The following STON2 variants were observed in gnomAD, a reference collection of about 807,000 sequenced individuals.
STON2 encodes stonin-2.
Under a neutral mutation model 65.7 loss-of-function variants are expected in STON2, and 29 were observed. The observed-to-expected ratio is 0.44, with a 90% CI of 0.33 to 0.60. The LOEUF is 0.60. Among genes scored for constraint, STON2 ranks in the 20% least tolerant of loss-of-function variants. STON2 has a pLI of 0.03. For missense variants in STON2, 1,054 were observed against 1,118.1 expected (o/e 0.94, Z 0.82); for synonymous variants, 404 against 414.2 (o/e 0.98, Z 0.30).
chr14:81,357,138 A>G (rs56079762), intron 4 of STON2, among the ~76,000 whole-genome samples: 86,368 of 150,798 alleles, frequency 0.57, 26,899 homozygotes, highest in African/African-American at 0.82. Context: ...GAAAATTTTC[A>G]CAACCTACTC....
At position 81,261,580 on chromosome 14, in the gene STON2, C is replaced by A; in HGVS notation, c.*6834G>T. ...GTCCCTTTTCTCTCATCTGGTTTTG[C>A]CATAACTTACAAATAGTCCCAGGAT... is the stretch of plus-strand genomic sequence containing the variant. On this transcript the variant is annotated 3_prime_UTR_variant, in exon 8 of 8. Transcript: ENST00000614646. The A allele has an allele frequency of 2.2e-6, 1 of 451,962 alleles. No individual in the cohort carries two copies. Among genetic ancestry groups the A allele is most frequent in the Non-Finnish European group, 3.6e-6 (1 of 277,422 alleles). 28.0% of individuals were successfully genotyped at this position (451,962 alleles called of 1,614,324 possible). A position where few individuals can be genotyped will look rare whatever the true frequency, so the allele number is the denominator to read the frequency against.
At chr14:81,309,021 G>A (rs1896320621) in intron 5 of STON2, among the ~76,000 whole-genome samples, 1 of 149,930 alleles carries the variant, frequency 6.7e-6, no homozygotes. Context: ...ACCTTTCCCT[G>A]GTGTTTGCCT....
At chr14:81,356,942 A>C (rs980218607) in intron 4 of STON2, among the ~76,000 whole-genome samples, 15 of 151,684 alleles carry the variant, frequency 9.9e-5, no homozygotes, top group African/African-American at 3.4e-4. Flanking sequence ...AATTTTGTTG[A>C]TCCTTTCAAA....
At chr14:81,385,472 T>C (rs1029311410) in intron 3 of STON2, among the ~76,000 whole-genome samples, 22 of 152,200 alleles carry the variant, frequency 1.4e-4, no homozygotes, top group African/African-American at 5.3e-4. Flanking sequence ...GTGTATACAC[T>C]CATGTATGCA....
intron 5 of STON2, among the ~76,000 whole-genome samples, chr14:81,284,839 A>T (rs1895272761): frequency 6.6e-6 from 1 of 152,222 alleles, no homozygotes; most frequent in Non-Finnish European, 1.5e-5. Context: ...GCCATTGCTC[A>T]TTAACCATTC....
At chr14:81,308,174 G>A (rs111653848) in intron 5 of STON2, among the ~76,000 whole-genome samples, 36 of 152,230 alleles carry the variant, frequency 2.4e-4, no homozygotes, top group African/African-American at 7.7e-4. Flanking sequence ...ACCTGCTCTG[G>A]ATTTATGCAA....
At chr14:81,291,433 T>C (rs1895549971) in intron 5 of STON2, among the ~76,000 whole-genome samples, 1 of 152,106 alleles carries the variant, frequency 6.6e-6, no homozygotes, top group Non-Finnish European at 1.5e-5. Flanking sequence ...AGAAATGTCT[T>C]TGTAATTGTT....
rs954940190 is a variant in STON2, at chr14:81,380,622, C to T, written c.374-9437G>A. ...ATAAAGAAAATGTGGAACATATACA[C>T]GATGGAATACTACGCAGCCATAAAA... is the stretch of plus-strand genomic sequence containing the variant. On this transcript the variant is annotated intron_variant, in intron 3 of 7. Transcript: ENST00000614646. Among the ~76,000 whole-genome samples, 42 of 152,106 alleles carry T rather than the reference C, an allele frequency of 2.8e-4. No individual in the cohort carries two copies. The East Asian group carries it at 3.5e-3, about 13-fold the overall frequency.
chr14:81,380,343 A>T (rs1445470864), intron 3 of STON2, among the ~76,000 whole-genome samples: 2 of 152,216 alleles, frequency 1.3e-5, no homozygotes, highest in African/African-American at 4.8e-5. Flanking sequence ...AAAATAATAG[A>T]TGCTGTTGAG....
intron 1 of STON2, among the ~76,000 whole-genome samples, chr14:81,430,118 CCTT>C (rs1902166810): frequency 1.3e-5 from 2 of 152,256 alleles, no homozygotes; most frequent in South Asian, 4.2e-4. Context: ...GCTAAATCCT[CCTT>C]CTCCATCCAG....
chr14:81,326,368 C>T (rs1034683145), intron 4 of STON2, among the ~76,000 whole-genome samples: 2 of 152,114 alleles, frequency 1.3e-5, no homozygotes, highest in African/African-American at 4.8e-5. Context: ...AATGATGTTC[C>T]ATGACTCAGA....
At position 81,396,012 on chromosome 14, in the gene STON2, A is replaced by G; in HGVS notation, c.255T>C (p.Pro85=). 6.2e-7 allele frequency: 1 copy of G among 1,614,190 alleles called. No homozygotes were observed. Among genetic ancestry groups the G allele is most frequent in the East Asian group, 2.2e-5 (1 of 44,874 alleles). Residue 85 remains proline (P), a synonymous_variant, in exon 3 of 8, where the codon CCT becomes CCC. Transcript: ENST00000614646. Reference sequence around the variant, plus strand: ...CAGGTGGGGGCTGCTCAGGGCTCCCAGGTGGGGAAGCTGCTTCAGAGATGA... The same window carrying G: ...CAGGTGGGGGCTGCTCAGGGCTCCCGGGTGGGGAAGCTGCTTCAGAGATGA... ...MGLISEAASP[P]GSPEQPPPDL...
rs573478595 is a variant in STON2, at chr14:81,319,775, T to C, written c.742+4242A>G. Among the ~76,000 whole-genome samples the C allele has an allele frequency of 9.8e-5, 15 of 152,314 alleles. No individual in the cohort carries two copies. In the East Asian group the frequency reaches 1.7e-3, roughly 18 times the overall value. ...AAGGCCTAGGCATCTGTGTTAAAAA[T>C]GTCTCAGAGTAATGCTGACAATCAC... is the stretch of plus-strand genomic sequence containing the variant. On this transcript the variant is annotated intron_variant, in intron 5 of 7. Transcript: ENST00000614646.
rs773123904 is a variant in STON2, at chr14:81,398,317, T to C, written c.66A>G (p.Pro22=). ...QSEWVSFNEE[P]PFPAHSQGGT... is the part of the protein sequence containing the mutation. ...TACCCTGCGAGTGGGCAGGAAAGGG[T>C]GGCTCTTCATTGAAGGAGACCCATT... Residue 22 remains proline, a synonymous_variant, in exon 2 of 8, where the codon CCA becomes CCG. Transcript: ENST00000614646. The C allele has an allele frequency of 3.1e-6, 5 of 1,613,708 alleles. No homozygotes were observed. The South Asian group carries it at 5.5e-5, about 18-fold the overall frequency.
intron 4 of STON2, among the ~76,000 whole-genome samples, chr14:81,348,573 A>C (rs1897904343): frequency 6.6e-6 from 1 of 152,180 alleles, no homozygotes; most frequent in South Asian, 2.1e-4. Context: ...GAAAACTACA[A>C]ACCATTGATT....
chr14:81,279,038 G>T (rs545090950), intron 5 of STON2, among the ~76,000 whole-genome samples: 1 of 152,082 alleles, frequency 6.6e-6, no homozygotes, highest in Non-Finnish European at 1.5e-5. Context: ...TTTTATAAAA[G>T]CTTCTGGAAT....
intron 1 of STON2, among the ~76,000 whole-genome samples, chr14:81,427,597 T>A (rs1283021698): frequency 6.6e-6 from 1 of 152,098 alleles, no homozygotes; most frequent in East Asian, 1.9e-4. Context: ...GCCCCGCCTA[T>A]GCCAATTAGG....
chr14:81,306,809 A>T (rs556668640), intron 5 of STON2: 25 of 152,356 alleles, frequency 1.6e-4, no homozygotes, highest in African/African-American at 5.8e-4. Context: ...AATAAAGCAG[A>T]CAATTAAAAA....
chr14:81,322,074 C>G (rs549512997), intron 5 of STON2, among the ~76,000 whole-genome samples: 1 of 152,208 alleles, frequency 6.6e-6, no homozygotes, highest in South Asian at 2.1e-4. Flanking sequence ...TAATAAAAAC[C>G]TGTCGTGTTT....
Sources: gnomAD v4.1 joint callset for allele counts (sites outside exome capture counted in the v4.1 genomes callset) on GRCh38, gnomAD v4.1.1 for gene constraint, MANE v1.5 for transcripts, NCBI Gene and HGNC (gene_info 2026-07-23, HGNC 2026-07-21) for gene names.